POC1A: variants seen among roughly 807,000 people sequenced by gnomAD.
The protein encoded by POC1A is POC1 centriolar protein A.
A neutral mutation model predicts 47.8 loss-of-function variants in POC1A; 34 were observed. That is an observed-to-expected ratio of 0.71 (90% CI 0.54 to 0.95). POC1A has a LOEUF of 0.95. POC1A is among the 40% of genes least tolerant of loss of function. The pLI is 0.00. For synonymous variants in POC1A, 177 were observed against 207.6 expected, an observed-to-expected ratio of 0.85 and a Z score of 1.27; for missense variants, 466 against 528.3, an observed-to-expected ratio of 0.88 and a Z score of 1.16.
At chr3:52,146,759 G>C (rs1396089322) in intron 5 of POC1A, among the ~76,000 whole-genome samples, 2 of 152,214 alleles carry the variant, frequency 1.3e-5, no homozygotes, top group African/African-American at 4.8e-5. Context: ...CATGGCTTGA[G>C]GTTAAGCACT....
rs528352445 is a variant in POC1A at position 52,081,723 on chromosome 3, G to A, written c.1126-5738C>T. Among the ~76,000 whole-genome samples, 8 of 152,260 alleles carry A rather than the reference G, an allele frequency of 5.3e-5. No homozygotes were observed. The East Asian group carries it at 1.5e-3, about 29-fold the overall frequency. ...CCCTCAGAGCAGGAGGGTGCTGGGG[G>A]GTGCTAGGCTGAGGGGATTTGAGAC... On this transcript the variant is annotated intron_variant, in intron 10 of 10. Transcript: ENST00000296484.
intron 1 of POC1A, among the ~76,000 whole-genome samples, chr3:52,152,251 G>A (rs912723328): frequency 6.6e-6 from 1 of 152,140 alleles, no homozygotes; most frequent in Non-Finnish European, 1.5e-5. Context: ...CTCCAGCCTG[G>A]GCAACAGAGC....
intron 10 of POC1A, among the ~76,000 whole-genome samples, chr3:52,096,338 T>C (rs1702811912): frequency 6.6e-6 from 1 of 152,226 alleles, no homozygotes; most frequent in Admixed American, 6.5e-5. Context: ...CACACTCCAG[T>C]AGTACCCAGC....
intron 10 of POC1A, among the ~76,000 whole-genome samples, chr3:52,086,969 G>A (rs776185019): frequency 8.5e-5 from 13 of 152,204 alleles, no homozygotes; most frequent in Non-Finnish European, 1.5e-4. Flanking sequence ...ACACAGGTCC[G>A]GTGCCTGCCA....
intron 8 of POC1A, among the ~76,000 whole-genome samples, chr3:52,122,962 G>A (rs1703846848): frequency 6.6e-6 from 1 of 152,226 alleles, no homozygotes; most frequent in Non-Finnish European, 1.5e-5. Context: ...GCGGGCGGTG[G>A]CCTGGCCTGT....
At chr3:52,142,685 C>T (rs749995) in intron 6 of POC1A, among the ~76,000 whole-genome samples, 39,579 of 152,118 alleles carry the variant, frequency 0.26, 6,388 homozygotes, top group East Asian at 0.44. Context: ...AGACACTGCA[C>T]GTCACTGTGT....
intron 10 of POC1A, among the ~76,000 whole-genome samples, chr3:52,089,334 C>T (rs995883566): frequency 1.3e-5 from 2 of 152,238 alleles, no homozygotes; most frequent in South Asian, 2.1e-4. Flanking sequence ...CCCCCAGTCC[C>T]TCTGCCACCA....
chr3:52,082,922 T>C (rs1403800828), intron 10 of POC1A, among the ~76,000 whole-genome samples: 1 of 151,936 alleles, frequency 6.6e-6, no homozygotes, highest in Non-Finnish European at 1.5e-5. Context: ...ATAGAGTAAT[T>C]AGGTGTCTGC....
intron 8 of POC1A, among the ~76,000 whole-genome samples, chr3:52,122,748 A>G (rs1703836040): frequency 1.3e-5 from 2 of 152,218 alleles, no homozygotes; most frequent in African/African-American, 4.8e-5. Context: ...TCACCTCCCT[A>G]GGGTGTCACA....
chr3:52,138,623 TAG>T (rs1218386861), intron 6 of POC1A, among the ~76,000 whole-genome samples: 2 of 152,234 alleles, frequency 1.3e-5, no homozygotes, highest in Non-Finnish European at 2.9e-5. Context: ...TGGAGCAGAA[TAG>T]AGTACTCAAA....
intron 1 of POC1A, among the ~76,000 whole-genome samples, chr3:52,153,849 G>A (rs1424891366): frequency 6.6e-6 from 1 of 152,234 alleles, no homozygotes; most frequent in African/African-American, 2.4e-5. Flanking sequence ...CAGCCAGAGG[G>A]CCTTGCCCGT....
intron 10 of POC1A, among the ~76,000 whole-genome samples, 156 bp downstream of exon 10, chr3:52,096,413 G>A (rs763340934): frequency 2.6e-5 from 4 of 152,354 alleles, no homozygotes; most frequent in African/African-American, 4.8e-5. Flanking sequence ...CAGGATCCCC[G>A]GGAAGGCTCT....
chr3:52,100,836 A>G (rs1702975511), intron 9 of POC1A, among the ~76,000 whole-genome samples: 1 of 152,112 alleles, frequency 6.6e-6, no homozygotes, highest in African/African-American at 2.4e-5. Context: ...GTGAGTAAGG[A>G]AAGGTATGAA....
chr3:52,130,088 T>A (rs1350294306), intron 7 of POC1A, among the ~76,000 whole-genome samples: 1 of 152,194 alleles, frequency 6.6e-6, no homozygotes, highest in African/African-American at 2.4e-5. Flanking sequence ...ATGCCTGAAC[T>A]CTGACTGCAT....
chr3:52,113,371 A>G (rs1032940992), intron 9 of POC1A, among the ~76,000 whole-genome samples: 1 of 152,212 alleles, frequency 6.6e-6, no homozygotes, highest in Non-Finnish European at 1.5e-5. Context: ...GCCACTGGCC[A>G]AAGGTGCTCT....
intron 7 of POC1A, among the ~76,000 whole-genome samples, chr3:52,137,312 A>T (rs1457296974): frequency 6.6e-6 from 1 of 152,026 alleles, no homozygotes; most frequent in Non-Finnish European, 1.5e-5. Flanking sequence ...CCCAAACAAC[A>T]GCTCAGAAAA....
At position 52,125,093 on chromosome 3, in the gene POC1A, T is replaced by C. The variant is rs1703945067; in HGVS notation, c.882+20A>G. 1 of 1,574,156 alleles carries C rather than the reference T, an allele frequency of 6.4e-7. No homozygotes were observed. Among genetic ancestry groups the C allele is most frequent in the Non-Finnish European group, 8.7e-7 (1 of 1,143,962 alleles). ...TCAGATTCCCTTCTTCACCATTCCA[T>C]TCGACTACTCTTTACTTACTTGTTC... On this transcript the variant is annotated intron_variant, in intron 8 of 10. Coordinates refer to ENST00000296484, the MANE Select transcript of POC1A (RefSeq NM_015426.5).
At chr3:52,125,860 C>A (rs1487889292) in intron 7 of POC1A, among the ~76,000 whole-genome samples, 1 of 152,228 alleles carries the variant, frequency 6.6e-6, no homozygotes, top group Non-Finnish European at 1.5e-5. Context: ...GAATGCCAGG[C>A]ACACGCCAGG....
rs1473725503 is a variant in POC1A at position 52,079,782 on chromosome 3, A to T, written c.1126-3797T>A. On this transcript the variant is annotated intron_variant, in intron 10 of 10. Transcript: ENST00000296484. The surrounding 1 kb of genome is among the most constrained non-coding windows in gnomAD (Gnocchi z 4.6). Reference sequence around the variant, plus strand: ...GAGGGGCAGCCTGGGCAAAGTGGCCAGGAAAGATGGCCCATCTCCCAGAAC... The same window carrying T: ...GAGGGGCAGCCTGGGCAAAGTGGCCTGGAAAGATGGCCCATCTCCCAGAAC... Among the ~76,000 whole-genome samples the T allele has an allele frequency of 6.6e-6, 1 of 152,194 alleles. No individual in the cohort carries two copies. The highest frequency in any genetic ancestry group is 1.5e-5 in the Non-Finnish European group (1 of 68,038).
Sources: allele counts gnomAD v4.1 joint callset (sites outside exome capture counted in the v4.1 genomes callset), GRCh38; gene constraint gnomAD v4.1.1; non-coding constraint Gnocchi (gnomAD v3.1); transcripts MANE v1.5; gene names NCBI Gene and HGNC (gene_info 2026-07-23, HGNC 2026-07-21).